The following RBP4 variants were observed in gnomAD, a reference collection of about 807,000 sequenced individuals.
RBP4 encodes the protein retinol binding protein 4, also known as retinol-binding protein 4.
In RBP4, 9 loss-of-function variants were observed where a neutral mutation model predicts 26.2. The observed-to-expected ratio is 0.34, with a 90% CI of 0.21 to 0.60. RBP4 has a LOEUF of 0.60. Among genes scored for constraint, RBP4 ranks in the 20% least tolerant of loss-of-function variants. The pLI is 0.80. For synonymous variants in RBP4, 114 were observed against 111.0 expected (o/e 1.03, Z -0.17); for missense variants, 244 against 271.3 (o/e 0.90, Z 0.71).
chr10:93,601,715 A>G (rs779512194), upstream of RBP4: 6 of 778,728 alleles, frequency 7.7e-6, no homozygotes, highest in Admixed American at 1.7e-5. Context: ...GGAATAATTC[A>G]TCCAAGTAGT....
At position 93,600,517 on chromosome 10, in the gene RBP4, A is replaced by T; in HGVS notation, c.249-18T>A. 1 of 1,613,854 alleles carries T rather than the reference A, an allele frequency of 6.2e-7. No homozygotes were observed. The highest frequency in any genetic ancestry group is 8.5e-7 in the Non-Finnish European group (1 of 1,179,822). Reference sequence around the variant, plus strand: ...CCCAGTTACTGCAAAAGCCAAGGGGATCCTCAGCCAAGCCGGGCAAAGGGC... The same window carrying T: ...CCCAGTTACTGCAAAAGCCAAGGGGTTCCTCAGCCAAGCCGGGCAAAGGGC... On this transcript the variant is annotated intron_variant, in intron 3 of 5. Transcript: ENST00000371464.
intron 5 of RBP4, among the ~76,000 whole-genome samples, chr10:93,592,637 C>G (rs906885885): frequency 1.3e-5 from 2 of 152,144 alleles, no homozygotes; most frequent in African/African-American, 4.8e-5. Flanking sequence ...GTTTTCTCAT[C>G]TGTACAATGT....
At chr10:93,601,684 G>A (rs765796139), upstream of RBP4, 1 of 779,104 alleles carries the variant, frequency 1.3e-6, no homozygotes, top group East Asian at 2.4e-5. Context: ...GCCTTCTGAG[G>A]TCCACTTGTG....
chr10:93,601,275 G>A, upstream of RBP4: 1 of 1,217,112 alleles, frequency 8.2e-7, no homozygotes, highest in Non-Finnish European at 1.0e-6. Context: ...TAGCGCCGGG[G>A]GGAGGGGGTC....
At position 93,600,720 on chromosome 10, in the gene RBP4, C is replaced by T. The variant is rs1282006050; in HGVS notation, c.195G>A (p.Val65=). ...LQDNIVAEFS[V]DETGQMSATA... ...TGGCGCTCATCTGGCCGGTCTCGTCCACGGAGAACTCCGCGACGATGTTGT... is the reference window on the plus strand; with the variant it reads ...TGGCGCTCATCTGGCCGGTCTCGTCTACGGAGAACTCCGCGACGATGTTGT... The change falls in exon 3 of 6, where the codon GTG becomes GTA. Residue 65 remains valine, a synonymous_variant. Transcript: ENST00000371464. The T allele has an allele frequency of 6.2e-7, 1 of 1,610,822 alleles. No individual in the cohort carries two copies. The highest frequency in any genetic ancestry group is 8.5e-7 in the Non-Finnish European group (1 of 1,178,762).
chr10:93,599,426 C>A (rs1166111096), intron 4 of RBP4, among the ~76,000 whole-genome samples: 1 of 152,160 alleles, frequency 6.6e-6, no homozygotes, highest in African/African-American at 2.4e-5. Context: ...TCTCCCTGAA[C>A]AACCCTTGGT....
intron 4 of RBP4, among the ~76,000 whole-genome samples, chr10:93,598,645 T>C (rs973367920): frequency 6.6e-6 from 1 of 152,190 alleles, no homozygotes; most frequent in South Asian, 2.1e-4. Context: ...AAAAGCAAAC[T>C]AATCTGGTTT....
intron 4 of RBP4, among the ~76,000 whole-genome samples, chr10:93,594,527 C>G (rs76767084): frequency 0.015 from 2,265 of 152,310 alleles, 28 homozygotes; most frequent in Middle Eastern, 0.051. Context: ...GGCTGCCCCC[C>G]GCTCTCTCAG....
upstream of RBP4, chr10:93,601,656 A>C: frequency 2.6e-6 from 2 of 777,986 alleles, no homozygotes; most frequent in Non-Finnish European, 4.8e-6. Flanking sequence ...TGGCCATGCC[A>C]AATTGGCGCC....
chr10:93,595,686 T>C (rs975491524), intron 4 of RBP4, among the ~76,000 whole-genome samples: 4 of 152,222 alleles, frequency 2.6e-5, no homozygotes, highest in Non-Finnish European at 4.4e-5. Context: ...TAAGGCCACC[T>C]GGAATGCTGG....
In RBP4 at chr10:93,593,939, T is replaced by C. The variant is rs1826040818; in HGVS notation, c.452A>G (p.Tyr151Cys). 1.9e-6 allele frequency: 3 copies of C among 1,613,752 alleles called. No homozygotes were observed. Among genetic ancestry groups the C allele is most frequent in the Non-Finnish European group, 2.5e-6 (3 of 1,179,974 alleles). The change falls in exon 5 of 6, where the codon TAC (tyrosine) becomes TGC (cysteine). Residue 151 changes from tyrosine (Y) to cysteine (C), a missense_variant. By Grantham distance (194) the Tyr-to-Cys change is radical. Coordinates refer to ENST00000371464, the MANE Select transcript of RBP4 (RefSeq NM_006744.4). ...LNLDGTCADSYSFVFSRDPNG... is the reference protein window; with the variant it reads ...LNLDGTCADSCSFVFSRDPNG... ...GGGGTCCCGGGAAAACACGAAGGAG[T>C]AGCTGTCAGCACAGGTGCCATCGAG...
At chr10:93,601,293 C>G (rs2058337967), upstream of RBP4, 2 of 1,213,558 alleles carry the variant, frequency 1.6e-6, no homozygotes, top group East Asian at 7.2e-5. Context: ...GTCGCGCTTT[C>G]GTAACCGCGC....
intron 4 of RBP4, among the ~76,000 whole-genome samples, chr10:93,595,963 G>A (rs1217661342): frequency 6.6e-6 from 1 of 152,212 alleles, no homozygotes; most frequent in East Asian, 1.9e-4. Context: ...TCAGCAGAAA[G>A]GCTGGGAACA....
In RBP4 at chr10:93,600,816, T is replaced by C. The variant is rs2058332238; in HGVS notation, c.112-13A>G. ...AGGTCCCAGAGAACTGTGAGAAGGATGACAGCAGGGGTTTGGCGTCCGGGG... is the reference window on the plus strand; with the variant it reads ...AGGTCCCAGAGAACTGTGAGAAGGACGACAGCAGGGGTTTGGCGTCCGGGG... On this transcript the variant is annotated splice_polypyrimidine_tract_variant and intron_variant, in intron 2 of 5. Coordinates refer to ENST00000371464, the MANE Select transcript of RBP4 (RefSeq NM_006744.4). 8 of 1,592,074 alleles carry C rather than the reference T, an allele frequency of 5.0e-6. No homozygotes were observed. The highest frequency in any genetic ancestry group is 6.8e-6 in the Non-Finnish European group (8 of 1,171,662).
At chr10:93,594,515 C>T (rs534522153) in intron 4 of RBP4, among the ~76,000 whole-genome samples, 7 of 152,190 alleles carry the variant, frequency 4.6e-5, no homozygotes, top group African/African-American at 4.8e-5. Flanking sequence ...ACTCACTGAC[C>T]GGGCTGCCCC....
In RBP4 at chr10:93,591,737, CA is replaced by C. The variant is rs1412618622; in HGVS notation, c.*337del. 1 of 293,136 alleles carries C rather than the reference CA, an allele frequency of 3.4e-6. No individual in the cohort carries two copies. The highest frequency in any genetic ancestry group is 6.4e-6 in the Non-Finnish European group (1 of 155,532). The allele number at this position is 293,136 out of a possible 1,614,324, so 18.2% of individuals were successfully genotyped here. On this transcript the variant is annotated 3_prime_UTR_variant, in exon 6 of 6. Coordinates refer to ENST00000371464, the MANE Select transcript of RBP4 (RefSeq NM_006744.4). ...TAATAATGGAGATTAGGCACTAGAA[CA>C]GGCCAAAGGTCAGAAAGAGCCACGT...
At chr10:93,598,808 A>G (rs12220124) in intron 4 of RBP4, among the ~76,000 whole-genome samples, 46,435 of 152,164 alleles carry the variant, frequency 0.31, 7,755 homozygotes, top group African/African-American at 0.44. Context: ...CTAAAAATTA[A>G]TAATCTTGTA....
At chr10:93,601,074 C>T (rs746638115) in intron 1 of RBP4, 28 bp from the exon 2 acceptor site, 1 of 1,596,834 alleles carries the variant, frequency 6.3e-7, no homozygotes, top group East Asian at 2.2e-5. Context: ...CCGTCAGTGC[C>T]CGGCAGCCGA....
intron 4 of RBP4, among the ~76,000 whole-genome samples, chr10:93,594,380 C>T (rs568435890): frequency 1.2e-4 from 18 of 152,246 alleles, no homozygotes; most frequent in Admixed American, 3.9e-4. Flanking sequence ...GTTCTACTGT[C>T]GCTTCACCAT....
Sources: gnomAD v4.1 joint callset for allele counts (sites outside exome capture counted in the v4.1 genomes callset) on GRCh38, gnomAD v4.1.1 for gene constraint, MANE v1.5 for transcripts, NCBI Gene and HGNC (gene_info 2026-07-23, HGNC 2026-07-21) for gene names.